The following KATNBL1 variants were observed in gnomAD, a reference collection of about 807,000 sequenced individuals.
KATNBL1 encodes the protein KATNB1-like protein 1.
KATNBL1 carries 28 observed loss-of-function variants against 44.7 expected under a neutral mutation model. That is an observed-to-expected ratio of 0.63 (90% CI 0.46 to 0.86). The LOEUF is 0.86. Among genes scored for constraint, KATNBL1 ranks in the 40% least tolerant of loss-of-function variants. KATNBL1 has a pLI of 0.00. For missense variants in KATNBL1, 272 were observed against 350.7 expected (o/e 0.78, Z 1.79); for synonymous variants, 78 against 114.9 (o/e 0.68, Z 2.06).
intron 1 of KATNBL1, among the ~76,000 whole-genome samples, chr15:34,173,753 G>A (rs1889242486): frequency 6.6e-6 from 1 of 152,156 alleles, no homozygotes; most frequent in African/African-American, 2.4e-5. Context: ...CATTAGAGAG[G>A]AGATGGAGAC....
chr15:34,165,170 G>A (rs569635689), intron 1 of KATNBL1, among the ~76,000 whole-genome samples: 1 of 152,310 alleles, frequency 6.6e-6, no homozygotes, highest in South Asian at 2.1e-4. Context: ...AGCATGTGCA[G>A]AACTGAAAGG....
chr15:34,174,741 G>A (rs76875145), intron 1 of KATNBL1, among the ~76,000 whole-genome samples: 26,761 of 151,418 alleles, frequency 0.18, 2,610 homozygotes, highest in Middle Eastern at 0.3. Flanking sequence ...TGCAACCTCC[G>A]CCTCTCGCAT....
At chr15:34,179,907 C>T (rs1299114363) in intron 1 of KATNBL1, among the ~76,000 whole-genome samples, 2 of 152,104 alleles carry the variant, frequency 1.3e-5, no homozygotes, top group Non-Finnish European at 2.9e-5. Context: ...ATGGCTTAAT[C>T]GTATAACTCC....
chr15:34,171,225 A>T (rs1889148437), intron 1 of KATNBL1, among the ~76,000 whole-genome samples: 1 of 152,246 alleles, frequency 6.6e-6, no homozygotes, highest in African/African-American at 2.4e-5. Context: ...CAAAGAACTT[A>T]AACAAATTGT....
At chr15:34,169,275 A>G (rs1042079480) in intron 1 of KATNBL1, among the ~76,000 whole-genome samples, 8 of 152,232 alleles carry the variant, frequency 5.3e-5, no homozygotes, top group Admixed American at 4.6e-4. Flanking sequence ...CTGATGCCCC[A>G]GAAATACAAA....
intron 1 of KATNBL1, among the ~76,000 whole-genome samples, chr15:34,203,455 A>G (rs1230029249): frequency 6.6e-6 from 1 of 152,162 alleles, no homozygotes; most frequent in Non-Finnish European, 1.5e-5. Context: ...TGGCTGAGCC[A>G]TTCTTTCTGC....
chr15:34,177,140 T>C (rs1052645472), intron 1 of KATNBL1, among the ~76,000 whole-genome samples: 1 of 152,188 alleles, frequency 6.6e-6, no homozygotes, highest in African/African-American at 2.4e-5. Context: ...TATATAACTA[T>C]CCTGAACATT....
chr15:34,163,403 A>C (rs1888867854), intron 2 of KATNBL1, among the ~76,000 whole-genome samples, 157 bp downstream of exon 2: 1 of 152,236 alleles, frequency 6.6e-6, no homozygotes, highest in Non-Finnish European at 1.5e-5. Context: ...CAAAGAAAAA[A>C]AAAGAAATAC....
intron 2 of KATNBL1, among the ~76,000 whole-genome samples, chr15:34,155,010 GTGACTAAGGA>G (rs1457345397): frequency 3.9e-5 from 6 of 152,252 alleles, no homozygotes; most frequent in Admixed American, 2.6e-4. Flanking sequence ...TACAGTGCAG[GTGACTAAGGA>G]TGACTAAGGA....
intron 1 of KATNBL1, among the ~76,000 whole-genome samples, chr15:34,206,799 AAAAAAG>A (rs1320889959): frequency 6.6e-6 from 1 of 152,118 alleles, no homozygotes; most frequent in African/African-American, 2.4e-5. Context: ...CTCAAAAAAA[AAAAAAG>A]AAAAGAAAAG....
At chr15:34,161,228 C>G (rs952193329) in intron 2 of KATNBL1, among the ~76,000 whole-genome samples, 1 of 152,236 alleles carries the variant, frequency 6.6e-6, no homozygotes, top group African/African-American at 2.4e-5. Flanking sequence ...GGTCTATGCA[C>G]AGGGTTACCT....
intron 1 of KATNBL1, among the ~76,000 whole-genome samples, chr15:34,179,024 A>G (rs1001908074): frequency 1.3e-5 from 2 of 152,174 alleles, no homozygotes; most frequent in Non-Finnish European, 2.9e-5. Context: ...TCTCAATGGG[A>G]CTGGTGCTTA....
At chr15:34,203,547 C>G (rs1890220949) in intron 1 of KATNBL1, among the ~76,000 whole-genome samples, 1 of 152,174 alleles carries the variant, frequency 6.6e-6, no homozygotes, top group South Asian at 2.1e-4. Flanking sequence ...TAGCAGTACC[C>G]TGTATTTTTC....
rs554833859 is a variant in KATNBL1 at position 34,200,807 on chromosome 15, T to C, written c.-15+9144A>G. Among the ~76,000 whole-genome samples, 10 of 147,854 alleles carry C rather than the reference T, an allele frequency of 6.8e-5. No individual in the cohort carries two copies. The South Asian group carries it at 2.1e-3, about 31-fold the overall frequency. Reference sequence around the variant, plus strand: ...AGCTTTCCTACTACCTCTTCCTCAGTGTTTTTGTTTTGTTTTGTTTTGTTT... The same window carrying C: ...AGCTTTCCTACTACCTCTTCCTCAGCGTTTTTGTTTTGTTTTGTTTTGTTT... On this transcript the variant is annotated intron_variant, in intron 1 of 9. Transcript: ENST00000256544.
At chr15:34,182,086 C>T (rs916605354) in intron 1 of KATNBL1, among the ~76,000 whole-genome samples, 3 of 151,704 alleles carry the variant, frequency 2.0e-5, no homozygotes, top group Non-Finnish European at 2.9e-5. Flanking sequence ...GATTAAACAA[C>T]GAAAACAAGT....
At chr15:34,151,026 T>C (rs919462593) in intron 4 of KATNBL1, among the ~76,000 whole-genome samples, 9 of 152,242 alleles carry the variant, frequency 5.9e-5, no homozygotes, top group Non-Finnish European at 1.3e-4. Context: ...GGCATTTCGA[T>C]TGATTCCTTG....
intron 9 of KATNBL1, chr15:34,144,924 T>C: frequency 3.0e-6 from 1 of 331,230 alleles, no homozygotes; most frequent in South Asian, 1.0e-4. Context: ...AATTTTTACT[T>C]TTTCCTTTAC....
At chr15:34,146,065 C>T (rs1444984871) in intron 8 of KATNBL1, 1 of 152,110 alleles carries the variant, frequency 6.6e-6, no homozygotes, top group Non-Finnish European at 1.5e-5. Flanking sequence ...CCTCCTGCCT[C>T]AGCCTGAGTA....
intron 1 of KATNBL1, among the ~76,000 whole-genome samples, chr15:34,207,071 G>A (rs117205239): frequency 0.083 from 12,113 of 145,524 alleles, 511 homozygotes; most frequent in Middle Eastern, 0.12. Context: ...ACAGGGTCTT[G>A]CTTTGTCACC....
Sources: allele counts gnomAD v4.1 joint callset (sites outside exome capture counted in the v4.1 genomes callset), GRCh38; gene constraint gnomAD v4.1.1; transcripts MANE v1.5; gene names NCBI Gene and HGNC (gene_info 2026-07-23, HGNC 2026-07-21).